The following RTL4 variants were observed in gnomAD, a reference collection of about 807,000 sequenced individuals.
RTL4 encodes retrotransposon Gag like 4.
In RTL4, 4 loss-of-function variants were observed where a neutral mutation model predicts 5.3. The ratio of observed to expected loss-of-function variants is 0.75; its 90% CI spans 0.37 to 1.72. RTL4 has a LOEUF of 1.72. RTL4 is among the 40% of genes most tolerant of loss of function. The probability of loss-of-function intolerance (pLI) is 0.04; values close to 1 mark genes in which losing one functional copy is unlikely to be tolerated. For synonymous variants in RTL4, 98 were observed against 87.3 expected, an observed-to-expected ratio of 1.12 and a Z score of -0.68; for missense variants, 260 against 227.1, an observed-to-expected ratio of 1.14 and a Z score of -0.93.
the RTL4 span, among the ~76,000 whole-genome samples, chrX:112,330,673 A>G: frequency 9.0e-6 from 1 of 111,343 alleles, no homozygotes; most frequent in South Asian, 3.8e-4. Context: ...GTTCATATGG[A>G]ACCAAAAAAG....
chrX:112,242,618 A>C, the RTL4 span, among the ~76,000 whole-genome samples: 12 of 111,577 alleles, frequency 1.1e-4, no homozygotes, highest in Non-Finnish European at 2.1e-4. Flanking sequence ...GAGTTTTCTA[A>C]ATATACAATC....
the RTL4 span, among the ~76,000 whole-genome samples, chrX:112,206,746 C>T: frequency 1.2e-3 from 134 of 111,521 alleles, no homozygotes; most frequent in Non-Finnish European, 1.0e-3. Context: ...CACCTTTATC[C>T]AATTGGTTTC....
chrX:112,137,414 T>TG, the RTL4 span, among the ~76,000 whole-genome samples: 1 of 112,010 alleles, frequency 8.9e-6, no homozygotes, highest in Non-Finnish European at 1.9e-5. Flanking sequence ...TGCATGGCTC[T>TG]GGGGGCCTCA....
chrX:112,343,452 ATGTTC>A, the RTL4 span, among the ~76,000 whole-genome samples: 2 of 111,990 alleles, frequency 1.8e-5, no homozygotes, highest in Non-Finnish European at 3.8e-5. Flanking sequence ...CTTCTATAGT[ATGTTC>A]TGTAGCACGC....
At chrX:112,443,852 G>A in the RTL4 span, among the ~76,000 whole-genome samples, 3 of 111,536 alleles carry the variant, frequency 2.7e-5, no homozygotes, top group Non-Finnish European at 5.7e-5. Context: ...TGTCAAATGG[G>A]TAGTTTGCAA....
chrX:112,161,830 TTC>T, the RTL4 span, among the ~76,000 whole-genome samples: 148 of 43,736 alleles, frequency 3.4e-3, 1 homozygote, highest in Non-Finnish European at 4.6e-3. Flanking sequence ...CCTTCCTTCC[TTC>T]CTTCCTTCCT....
chrX:112,094,861 A>T, the RTL4 span, among the ~76,000 whole-genome samples: 1 of 111,501 alleles, frequency 9.0e-6, no homozygotes, highest in East Asian at 2.8e-4. Flanking sequence ...AATGAGCTGG[A>T]CTGAGGAGTG....
At chrX:112,123,207 G>A in the RTL4 span, among the ~76,000 whole-genome samples, 1 of 111,843 alleles carries the variant, frequency 8.9e-6, no homozygotes, top group Non-Finnish European at 1.9e-5. Context: ...TGTTTTTGTA[G>A]CCTCTTAGCA....
the RTL4 span, among the ~76,000 whole-genome samples, chrX:112,428,050 A>G: frequency 9.0e-5 from 10 of 110,860 alleles, no homozygotes; most frequent in Non-Finnish European, 1.9e-5. Context: ...GAGTTACTTT[A>G]CTGAGAATAA....
At chrX:112,327,908 G>C in the RTL4 span, among the ~76,000 whole-genome samples, 5 of 109,781 alleles carry the variant, frequency 4.6e-5, no homozygotes, top group Non-Finnish European at 9.5e-5. Context: ...GCCAAACTAA[G>C]CTTCATAATT....
the RTL4 span, among the ~76,000 whole-genome samples, chrX:112,428,404 T>C: frequency 8.9e-6 from 1 of 112,246 alleles, no homozygotes; most frequent in African/African-American, 3.2e-5. Context: ...GAAGATGTCC[T>C]CTTTGACCCA....
chrX:112,329,163 C>T, the RTL4 span, among the ~76,000 whole-genome samples: 1 of 110,641 alleles, frequency 9.0e-6, no homozygotes, highest in African/African-American at 3.3e-5. Flanking sequence ...AAAATCAGAG[C>T]AGAACTGAAG....
At chrX:112,192,928 A>G in the RTL4 span, among the ~76,000 whole-genome samples, 351 of 111,928 alleles carry the variant, frequency 3.1e-3, 2 homozygotes, top group African/African-American at 0.011. Flanking sequence ...ATTTCTTTGT[A>G]GAGAAGGTAT....
At chrX:112,189,146 C>G in the RTL4 span, among the ~76,000 whole-genome samples, 2 of 111,140 alleles carry the variant, frequency 1.8e-5, no homozygotes, top group Non-Finnish European at 3.8e-5. Flanking sequence ...ATAATCCCAG[C>G]AGTTTGGGAG....
the RTL4 span, among the ~76,000 whole-genome samples, chrX:112,323,828 T>C: frequency 8.9e-6 from 1 of 112,449 alleles, no homozygotes; most frequent in African/African-American, 3.2e-5. Context: ...TCTTTTGTTC[T>C]AAAGAGTATA....
the RTL4 span, among the ~76,000 whole-genome samples, chrX:112,230,269 GA>G: frequency 2.7e-5 from 3 of 112,350 alleles, no homozygotes; most frequent in Non-Finnish European, 3.8e-5. Flanking sequence ...CTTGCAGTTT[GA>G]TCTCAGACTG....
chrX:112,157,068 G>C, the RTL4 span, among the ~76,000 whole-genome samples: 1 of 100,256 alleles, frequency 1.0e-5, no homozygotes, highest in Non-Finnish European at 2.0e-5. Context: ...TACTGTTTGT[G>C]TGTGTGTGTG....
chrX:112,449,412 C>G, the RTL4 span, among the ~76,000 whole-genome samples: 1 of 106,423 alleles, frequency 9.4e-6, no homozygotes, highest in Non-Finnish European at 1.9e-5. Context: ...CTTAGGGGCT[C>G]CTGTTGGAGC....
the RTL4 span, among the ~76,000 whole-genome samples, chrX:112,375,870 G>C: frequency 9.0e-6 from 1 of 111,694 alleles, no homozygotes; most frequent in African/African-American, 3.3e-5. Context: ...AGTTGTGACA[G>C]AGACAAAATA....
Sources: gnomAD v4.1 joint callset for allele counts (sites outside exome capture counted in the v4.1 genomes callset) on GRCh38, gnomAD v4.1.1 for gene constraint, MANE v1.5 for transcripts, NCBI Gene and HGNC (gene_info 2026-07-23, HGNC 2026-07-21) for gene names.